Variants in ZNF407 observed in about 807,000 individuals in gnomAD.
The protein encoded by ZNF407 is zinc finger protein 407.
ZNF407 carries 17 observed loss-of-function variants against 131.2 expected under a neutral mutation model. That is an observed-to-expected ratio of 0.13 (90% CI 0.09 to 0.19). The LOEUF is 0.19. Ranked by LOEUF, ZNF407 falls within the 10% of genes least tolerant of loss-of-function variation. The pLI, the probability that ZNF407 is intolerant of heterozygous loss-of-function variation, is 1.00. For missense variants in ZNF407, 2,681 were observed against 2,830.6 expected (o/e 0.95, Z 1.20); for synonymous variants, 1,156 against 1,062.0 (o/e 1.09, Z -1.72).
At chr18:75,006,423 C>G (rs1972911293) in intron 8 of ZNF407, among the ~76,000 whole-genome samples, 1 of 152,150 alleles carries the variant, frequency 6.6e-6, no homozygotes, top group Non-Finnish European at 1.5e-5. Flanking sequence ...AAATTTCCCT[C>G]CAAGTAATGT....
chr18:74,890,928 G>A (rs2628121), intron 7 of ZNF407, among the ~76,000 whole-genome samples: 144,818 of 152,258 alleles, frequency 0.95, 69,263 homozygotes, highest in Non-Finnish European at 1. Flanking sequence ...TGTTAGTGCT[G>A]AAAGCATCTT....
chr18:74,771,675 A>G (rs1568208451), intron 3 of ZNF407, among the ~76,000 whole-genome samples: 1 of 152,084 alleles, frequency 6.6e-6, no homozygotes, highest in Non-Finnish European at 1.5e-5. Context: ...GGTGCAATCT[A>G]TCTCAATTGG....
At chr18:74,836,352 A>G (rs369010641) in intron 4 of ZNF407, among the ~76,000 whole-genome samples, 1 of 152,030 alleles carries the variant, frequency 6.6e-6, no homozygotes. Flanking sequence ...TACCTTCTGT[A>G]TTGGTGTTAG....
intron 3 of ZNF407, among the ~76,000 whole-genome samples, chr18:74,753,095 C>T (rs979416759): frequency 6.6e-6 from 1 of 152,128 alleles, no homozygotes; most frequent in Non-Finnish European, 1.5e-5. Context: ...CTTCACATCC[C>T]TTGTAAGTTG....
At chr18:75,040,150 T>C (rs932799318) in intron 8 of ZNF407, among the ~76,000 whole-genome samples, 10 of 152,142 alleles carry the variant, frequency 6.6e-5, no homozygotes, top group African/African-American at 2.2e-4. Flanking sequence ...CTCAGATAGC[T>C]CATGTGAACT....
chr18:74,841,773 G>A (rs1020961675), intron 4 of ZNF407, among the ~76,000 whole-genome samples: 7 of 152,152 alleles, frequency 4.6e-5, no homozygotes, highest in African/African-American at 1.7e-4. Flanking sequence ...GAAATTCCGT[G>A]ATGAAACTCA....
chr18:74,661,040 T>TA (rs1188758641), intron 3 of ZNF407, among the ~76,000 whole-genome samples: 1 of 152,206 alleles, frequency 6.6e-6, no homozygotes, highest in Non-Finnish European at 1.5e-5. Context: ...AGTATCTACG[T>TA]AGTGAATTTT....
chr18:74,707,801 T>C (rs771813697), intron 3 of ZNF407, among the ~76,000 whole-genome samples: 19 of 152,222 alleles, frequency 1.2e-4, no homozygotes, highest in Non-Finnish European at 2.5e-4. Context: ...TGTTTCTTCT[T>C]TACCCATCTG....
intron 2 of ZNF407, among the ~76,000 whole-genome samples, chr18:74,637,597 C>T (rs547177230): frequency 7.2e-5 from 11 of 151,936 alleles, no homozygotes; most frequent in South Asian, 2.1e-4. Flanking sequence ...GGACACAATA[C>T]GAGTCTACCA....
At chr18:74,965,984 C>A (rs1421433340) in intron 8 of ZNF407, among the ~76,000 whole-genome samples, 1 of 152,168 alleles carries the variant, frequency 6.6e-6, no homozygotes, top group South Asian at 2.1e-4. Context: ...CTATTCAAAT[C>A]TTTTGCCCAT....
chr18:74,935,917 A>G (rs1260601092), intron 8 of ZNF407, among the ~76,000 whole-genome samples: 1 of 152,188 alleles, frequency 6.6e-6, no homozygotes, highest in African/African-American at 2.4e-5. Flanking sequence ...TATTATCTCC[A>G]TCCATATTTC....
chr18:74,690,711 C>G (rs1046651512), intron 3 of ZNF407, among the ~76,000 whole-genome samples: 13 of 152,072 alleles, frequency 8.5e-5, no homozygotes, highest in African/African-American at 3.1e-4. Context: ...GCTAGCATTT[C>G]ATTAATATTT....
At chr18:74,642,309 G>A (rs776420277) in intron 3 of ZNF407, among the ~76,000 whole-genome samples, 1 of 152,096 alleles carries the variant, frequency 6.6e-6, no homozygotes, top group Non-Finnish European at 1.5e-5. Context: ...ACTGATTTTA[G>A]CTGCAAGGGT....
chr18:74,778,001 G>A (rs1969509961), intron 3 of ZNF407, among the ~76,000 whole-genome samples: 1 of 152,100 alleles, frequency 6.6e-6, no homozygotes, highest in Non-Finnish European at 1.5e-5. Context: ...AGGATCCCTT[G>A]AACCTCGGAT....
In ZNF407 at chr18:74,797,462, A is replaced by G. The variant is rs1327082583; in HGVS notation, c.4877+15960A>G. Among the ~76,000 whole-genome samples the G allele has an allele frequency of 2.0e-5, 3 of 152,232 alleles. No homozygotes were observed. The East Asian group carries it at 5.8e-4, about 29-fold the overall frequency. On this transcript the variant is annotated intron_variant, in intron 4 of 8. Transcript: ENST00000299687. ...TAGATGATAAACTCCAACAGATGAC[A>G]GGCTGTCGACAGAGAGAATGAAACT...
At chr18:74,900,724 T>G (rs1599230058) in intron 7 of ZNF407, among the ~76,000 whole-genome samples, 1 of 152,338 alleles carries the variant, frequency 6.6e-6, no homozygotes, top group African/African-American at 2.4e-5. Context: ...TCATTTCTCT[T>G]GATGACACCT....
intron 3 of ZNF407, among the ~76,000 whole-genome samples, chr18:74,658,520 A>C (rs554624266): frequency 2.0e-5 from 3 of 152,242 alleles, no homozygotes; most frequent in Non-Finnish European, 4.4e-5. Flanking sequence ...TGGGTAAAGA[A>C]CTCTTAGAGG....
At chr18:74,866,206 G>A (rs950379040) in intron 4 of ZNF407, among the ~76,000 whole-genome samples, 2 of 152,074 alleles carry the variant, frequency 1.3e-5, no homozygotes, top group Admixed American at 6.5e-5. Flanking sequence ...CACTAAAATC[G>A]CATCTTGGTG....
At chr18:74,961,743 T>C (rs1055163521) in intron 8 of ZNF407, among the ~76,000 whole-genome samples, 1 of 150,322 alleles carries the variant, frequency 6.7e-6, no homozygotes, top group Non-Finnish European at 1.5e-5. Flanking sequence ...GTTTGCAAAG[T>C]GCCCAGATAA....
Sources: gnomAD v4.1 joint callset for allele counts (sites outside exome capture counted in the v4.1 genomes callset) on GRCh38, gnomAD v4.1.1 for gene constraint, MANE v1.5 for transcripts, NCBI Gene and HGNC (gene_info 2026-07-23, HGNC 2026-07-21) for gene names.